PTPN11: variants seen among roughly 807,000 people sequenced by gnomAD.
PTPN11 encodes the protein tyrosine-protein phosphatase non-receptor type 11.
Under a neutral mutation model 78.8 loss-of-function variants are expected in PTPN11, and 6 were observed. That is an observed-to-expected ratio of 0.08 (90% confidence interval 0.04 to 0.15). The LOEUF (loss-of-function observed/expected upper bound fraction) is 0.15. PTPN11 is among the 10% of genes least tolerant of loss of function. The probability of loss-of-function intolerance (pLI) is 1.00; values close to 1 mark genes in which losing one functional copy is unlikely to be tolerated. For missense variants in PTPN11, 386 were observed against 744.8 expected, an observed-to-expected ratio of 0.52 and a Z score of 5.61; for synonymous variants, 221 against 263.5, an observed-to-expected ratio of 0.84 and a Z score of 1.56.
intron 1 of PTPN11, among the ~76,000 whole-genome samples, chr12:112,442,424 AG>A (rs1310014453): frequency 6.6e-6 from 1 of 151,870 alleles, no homozygotes; most frequent in African/African-American, 2.4e-5. Flanking sequence ...ATTTCCTTTG[AG>A]TGTTATGTGG....
At chr12:112,474,811 T>G (rs2038474095) in intron 7 of PTPN11, among the ~76,000 whole-genome samples, 3 of 152,072 alleles carry the variant, frequency 2.0e-5, no homozygotes, top group African/African-American at 7.2e-5. Context: ...TTATTTTTTT[T>G]GTAGAGACAG....
chr12:112,426,195 T>G (rs1302932987), intron 1 of PTPN11, among the ~76,000 whole-genome samples: 1 of 152,240 alleles, frequency 6.6e-6, no homozygotes, highest in Admixed American at 6.5e-5. Flanking sequence ...GAGTAAAGCC[T>G]TTGCAGAATC....
At position 112,422,625 on chromosome 12, in the gene PTPN11, G is replaced by A. The variant is rs141168964; in HGVS notation, c.14+3500G>A. 9.2e-5 allele frequency among the ~76,000 whole-genome samples: 14 copies of A among 152,270 alleles called. 1 individual carries two copies. In the East Asian group the frequency reaches 2.5e-3, roughly 27 times the overall value. ...GTCCTGGGCTCTCCCTGGTGGCCAC[G>A]TTTGTTTATCTCCTGCGGGAGTAAA... On this transcript the variant is annotated intron_variant, in intron 1 of 15. Coordinates refer to ENST00000351677, the MANE Select transcript of PTPN11 (RefSeq NM_002834.5).
At chr12:112,502,398 CTG>C (rs1592862891) in intron 14 of PTPN11, 142 bp downstream of exon 14, 2 of 758,440 alleles carry the variant, frequency 2.6e-6, no homozygotes, top group Non-Finnish European at 4.8e-6. Flanking sequence ...GTTAGTGTAT[CTG>C]TGACTGGTGA....
chr12:112,455,736 G>A (rs1186009802), intron 5 of PTPN11, among the ~76,000 whole-genome samples: 1 of 152,168 alleles, frequency 6.6e-6, no homozygotes, highest in Non-Finnish European at 1.5e-5. Flanking sequence ...AGAGTAAAGT[G>A]TATGTGAAGA....
At chr12:112,481,951 C>T (rs2038602272) in intron 9 of PTPN11, 123 bp from the exon 10 acceptor site, 4 of 1,065,482 alleles carry the variant, frequency 3.8e-6, no homozygotes, top group Non-Finnish European at 5.6e-6. Flanking sequence ...CTAACAGATG[C>T]GAAACAGGCC....
intron 1 of PTPN11, among the ~76,000 whole-genome samples, chr12:112,440,707 G>A (rs1215976112): frequency 2.0e-5 from 3 of 150,516 alleles, no homozygotes; most frequent in African/African-American, 7.3e-5. Context: ...CCGAGTATCT[G>A]AGATTACAGA....
chr12:112,477,908 G>T lies in PTPN11; in HGVS notation c.985G>T (p.Ala329Ser). ...TTCAAAGCCCAAAAAGAGTTACATT[G>T]CCACACAAGGCTGCCTGCAAAACAC... ...NNSKPKKSYI[A>S]TQGCLQNTVN... The change falls in exon 9 of 16, where the codon GCC becomes TCC. Residue 329 changes from alanine to serine, a missense_variant. Transcript: ENST00000351677. 6.2e-7 allele frequency: 1 copy of T among 1,614,170 alleles called. No individual in the cohort carries two copies. The highest frequency in any genetic ancestry group is 8.5e-7 in the Non-Finnish European group (1 of 1,180,020).
chr12:112,439,491 C>T (rs998598030), intron 1 of PTPN11, among the ~76,000 whole-genome samples: 4 of 151,854 alleles, frequency 2.6e-5, no homozygotes, highest in Non-Finnish European at 5.9e-5. Flanking sequence ...TTATTTGAGA[C>T]GGAGTCTCGC....
At chr12:112,424,443 A>G (rs1566153084) in intron 1 of PTPN11, among the ~76,000 whole-genome samples, 1 of 152,184 alleles carries the variant, frequency 6.6e-6, no homozygotes, top group African/African-American at 2.4e-5. Flanking sequence ...GAGCTGATCT[A>G]TTTAAAAATA....
chr12:112,486,389 T>G, intron 10 of PTPN11, 86 bp from the exon 11 acceptor site: 1 of 1,368,956 alleles, frequency 7.3e-7, no homozygotes, highest in Non-Finnish European at 1.0e-6. Flanking sequence ...TCCTCTCCAT[T>G]GGATTTAGGA....
chr12:112,429,957 A>G (rs2135833348), intron 1 of PTPN11, among the ~76,000 whole-genome samples: 2 of 152,362 alleles, frequency 1.3e-5, no homozygotes. Context: ...GCATGTGGCA[A>G]ACATTCAGTA....
intron 1 of PTPN11, among the ~76,000 whole-genome samples, chr12:112,440,241 T>C (rs766626175): frequency 6.6e-6 from 1 of 152,190 alleles, no homozygotes; most frequent in African/African-American, 2.4e-5. Flanking sequence ...AAATTGAGGT[T>C]GACGTTTTCC....
intron 13 of PTPN11, among the ~76,000 whole-genome samples, chr12:112,493,981 G>A (rs191151522): frequency 9.9e-5 from 15 of 152,192 alleles, no homozygotes; most frequent in African/African-American, 3.4e-4. Flanking sequence ...TGCTGGACAC[G>A]GTGGCTCATG....
At position 112,450,477 on chromosome 12, in the gene PTPN11, A is replaced by G. The variant is rs2135862899; in HGVS notation, c.297A>G (p.Lys99=). 3 of 1,614,090 alleles carry G rather than the reference A, an allele frequency of 1.9e-6. No homozygotes were observed. The highest frequency in any genetic ancestry group is 2.2e-5 in the East Asian group (1 of 44,882). Residue 99 remains lysine, a synonymous_variant, in exon 3 of 16, where the codon AAA becomes AAG. Transcript: ENST00000351677. ...KEKNGDVIEL[K]YPLNCADPTS... ...AGAATGGAGATGTCATTGAGCTTAA[A>G]TATCCTCTGAACTGTGCAGATCCTA...
chr12:112,422,791 AC>A (rs2037544197), intron 1 of PTPN11, among the ~76,000 whole-genome samples: 1 of 152,102 alleles, frequency 6.6e-6, no homozygotes, highest in Non-Finnish European at 1.5e-5. Context: ...AAGATGACTT[AC>A]CCCTCGTGTC....
intron 7 of PTPN11, among the ~76,000 whole-genome samples, chr12:112,477,302 C>T (rs181939094): frequency 9.9e-5 from 15 of 152,260 alleles, no homozygotes; most frequent in African/African-American, 2.9e-4. Context: ...TAGGCCACTG[C>T]GCCCAGCCCA....
chr12:112,478,781 C>T (rs781448133), intron 9 of PTPN11, among the ~76,000 whole-genome samples: 12 of 151,996 alleles, frequency 7.9e-5, no homozygotes, highest in East Asian at 1.9e-4. Context: ...TTGCCCAGGC[C>T]GGAGTGCAGT....
chr12:112,443,462 G>T (rs376403339), intron 1 of PTPN11, among the ~76,000 whole-genome samples: 1 of 151,340 alleles, frequency 6.6e-6, no homozygotes, highest in South Asian at 2.1e-4. Flanking sequence ...GGGTTCAAGC[G>T]ATTCTCCTGC....
Sources: gnomAD v4.1 joint callset for allele counts (sites outside exome capture counted in the v4.1 genomes callset) on GRCh38, gnomAD v4.1.1 for gene constraint, MANE v1.5 for transcripts, NCBI Gene and HGNC (gene_info 2026-07-23, HGNC 2026-07-21) for gene names.